The following TRAM2 variants were observed in gnomAD, a reference collection of about 807,000 sequenced individuals.
TRAM2 encodes translocation associated membrane protein 2, also known as translocating chain-associated membrane protein 2.
A neutral mutation model predicts 51.0 loss-of-function variants in TRAM2; 12 were observed. The ratio of observed to expected loss-of-function variants is 0.24; its 90% CI spans 0.15 to 0.38. TRAM2 has a LOEUF of 0.38. TRAM2 is among the 10% of genes least tolerant of loss of function. The pLI is 1.00. For synonymous variants in TRAM2, 175 were observed against 179.4 expected, an observed-to-expected ratio of 0.98 and a Z score of 0.20; for missense variants, 361 against 462.0, an observed-to-expected ratio of 0.78 and a Z score of 2.00.
chr6:52,502,106 A>C lies in TRAM2; in HGVS notation c.*1091T>G, dbSNP rs1766242277. On this transcript the variant is annotated 3_prime_UTR_variant, in exon 11 of 11. Transcript: ENST00000182527. ...AGGGCGGCCAGATGAACAGCGGTCC[A>C]AGTGACCCTCCCTGAACACCAAGGG... 6.6e-6 allele frequency: 1 copy of C among 152,324 alleles called. No homozygotes were observed. Among genetic ancestry groups the C allele is most frequent in the Non-Finnish European group, 1.5e-5 (1 of 68,104 alleles). 9.4% of individuals were successfully genotyped at this position (152,324 alleles called of 1,614,324 possible).
intron 10 of TRAM2, among the ~76,000 whole-genome samples, chr6:52,503,874 C>G (rs1446695953): frequency 6.6e-6 from 1 of 152,196 alleles, no homozygotes; most frequent in African/African-American, 2.4e-5. Context: ...ATACCTCCCC[C>G]GCCAGCCAGG....
intron 1 of TRAM2, among the ~76,000 whole-genome samples, chr6:52,570,805 C>G (rs1029491678): frequency 7.0e-6 from 1 of 142,036 alleles, no homozygotes; most frequent in Admixed American, 6.9e-5. Flanking sequence ...ACCCCCCCCC[C>G]CACACGCACA....
chr6:52,512,194 C>T (rs1308834723), intron 4 of TRAM2, among the ~76,000 whole-genome samples: 1 of 152,108 alleles, frequency 6.6e-6, no homozygotes, highest in East Asian at 1.9e-4. Context: ...AAACAAGACT[C>T]GCCAAGAAAA....
intron 6 of TRAM2, among the ~76,000 whole-genome samples, 159 bp downstream of exon 6, chr6:52,508,075 C>T (rs1184698323): frequency 6.6e-6 from 1 of 152,148 alleles, no homozygotes; most frequent in African/African-American, 2.4e-5. Flanking sequence ...TGACACTTCT[C>T]CAAGAGATGA....
At chr6:52,547,061 G>T (rs1767215981) in intron 1 of TRAM2, among the ~76,000 whole-genome samples, 1 of 152,190 alleles carries the variant, frequency 6.6e-6, no homozygotes, top group African/African-American at 2.4e-5. Flanking sequence ...GGGTGAGCAT[G>T]GAGTGGGAGT....
intron 2 of TRAM2, among the ~76,000 whole-genome samples, chr6:52,521,469 G>A (rs573516938): frequency 3.3e-5 from 5 of 151,734 alleles, no homozygotes; most frequent in Admixed American, 6.6e-5. Context: ...CGAGGCAGGC[G>A]GATCAAGAGA....
intron 1 of TRAM2, among the ~76,000 whole-genome samples, chr6:52,568,902 G>A (rs1767631784): frequency 6.6e-6 from 1 of 152,104 alleles, no homozygotes; most frequent in Non-Finnish European, 1.5e-5. Flanking sequence ...CATTTCAAAG[G>A]CAGGGCAACT....
chr6:52,528,857 C>T (rs995666274), intron 2 of TRAM2, among the ~76,000 whole-genome samples: 3 of 151,692 alleles, frequency 2.0e-5, no homozygotes, highest in African/African-American at 7.3e-5. Flanking sequence ...AGAACTTCTG[C>T]TCACACTGCC....
chr6:52,508,138 T>C (rs867221553), intron 6 of TRAM2, 96 bp downstream of exon 6: 3 of 1,134,174 alleles, frequency 2.6e-6, no homozygotes, highest in African/African-American at 3.1e-5. Flanking sequence ...CAACACTCCA[T>C]GCTTCTGGAG....
intron 1 of TRAM2, among the ~76,000 whole-genome samples, chr6:52,570,824 G>A (rs1767668562): frequency 1.4e-5 from 1 of 72,412 alleles, no homozygotes; most frequent in Admixed American, 1.8e-4. Flanking sequence ...CACACACTCT[G>A]CCTCCATTTC....
intron 4 of TRAM2, 171 bp downstream of exon 4, chr6:52,515,835 A>G (rs1766537459): frequency 1.5e-6 from 1 of 646,746 alleles, no homozygotes; most frequent in African/African-American, 1.8e-5. Context: ...ATGAGGATGC[A>G]AACATAGCTT....
intron 2 of TRAM2, among the ~76,000 whole-genome samples, chr6:52,530,751 T>A (rs1766874461): frequency 6.6e-6 from 1 of 152,136 alleles, no homozygotes; most frequent in Non-Finnish European, 1.5e-5. Flanking sequence ...GGTCTCGGGA[T>A]TCTAGAATCC....
At chr6:52,552,722 G>A (rs1317980114) in intron 1 of TRAM2, among the ~76,000 whole-genome samples, 1 of 152,180 alleles carries the variant, frequency 6.6e-6, no homozygotes, top group Non-Finnish European at 1.5e-5. Context: ...GCGACACTCA[G>A]ATCTACTTTT....
At chr6:52,576,641 C>T (rs2114115083) in intron 1 of TRAM2, among the ~76,000 whole-genome samples, 155 bp downstream of exon 1, 1 of 152,222 alleles carries the variant, frequency 6.6e-6, no homozygotes, top group East Asian at 1.9e-4. Context: ...GGGTACAGGC[C>T]GGAGGGGTAC....
rs998079092 is a variant in TRAM2, at chr6:52,508,402, T to C, written c.471-84A>G. 3.8e-5 allele frequency: 50 copies of C among 1,329,116 alleles called. No individual in the cohort carries two copies. The African/African-American group carries it at 5.0e-4, about 13-fold the overall frequency. 82.3% of individuals were successfully genotyped at this position (1,329,116 alleles called of 1,614,324 possible). ...TGGCCAAGCACAGGAGGGAAAAGCA[T>C]GGGCTGAGACTCTGCCTGTGAGGAG... On this transcript the variant is annotated intron_variant, in intron 5 of 10. Transcript: ENST00000182527.
At chr6:52,530,534 G>A (rs944628070) in intron 2 of TRAM2, among the ~76,000 whole-genome samples, 1 of 152,184 alleles carries the variant, frequency 6.6e-6, no homozygotes, top group South Asian at 2.1e-4. Flanking sequence ...TGAGGTCACC[G>A]TGGAGTAGGT....
In TRAM2 at chr6:52,570,803, C is replaced by CG. The variant is rs1554267140; in HGVS notation, c.120+5992_120+5993insC. Among the ~76,000 whole-genome samples, 177 of 122,812 alleles carry CG rather than the reference C, an allele frequency of 1.4e-3. 7 individuals carry two copies. The highest frequency in any genetic ancestry group is 7.9e-3 in the Middle Eastern group (2 of 252). 80.6% of individuals were successfully genotyped at this position (122,812 alleles called of 152,430 possible). On this transcript the variant is annotated intron_variant, in intron 1 of 10. Coordinates refer to ENST00000182527, the MANE Select transcript of TRAM2 (RefSeq NM_012288.4). ...AATCCTCCCTGCCCACCACCCCCCC[C>CG]CCCACACGCACACACACTCTGCCTC...
At chr6:52,566,594 C>A (rs1386068111) in intron 1 of TRAM2, among the ~76,000 whole-genome samples, 1 of 152,154 alleles carries the variant, frequency 6.6e-6, no homozygotes. Context: ...AGTCTCAACT[C>A]CACGGCAGGA....
intron 2 of TRAM2, among the ~76,000 whole-genome samples, chr6:52,520,462 G>A (rs1448047352): frequency 6.6e-6 from 1 of 152,212 alleles, no homozygotes; most frequent in African/African-American, 2.4e-5. Context: ...AGAAGAGATG[G>A]GCGTCGGATA....
Sources: allele counts gnomAD v4.1 joint callset (sites outside exome capture counted in the v4.1 genomes callset), GRCh38; gene constraint gnomAD v4.1.1; transcripts MANE v1.5; gene names NCBI Gene and HGNC (gene_info 2026-07-23, HGNC 2026-07-21).